The following PSPH variants were observed in gnomAD, a reference collection of about 807,000 sequenced individuals.
PSPH encodes L-3-phosphoserine phosphatase.
A neutral mutation model predicts 23.4 loss-of-function variants in PSPH; 16 were observed. The observed-to-expected ratio is 0.68, with a 90% CI of 0.46 to 1.04. The LOEUF is 1.04. Ranked by LOEUF, PSPH falls within the 50% of genes least tolerant of loss-of-function variation. PSPH has a pLI of 0.00. For missense variants in PSPH, 223 were observed against 273.7 expected (o/e 0.81, Z 1.31); for synonymous variants, 68 against 99.7 (o/e 0.68, Z 1.89).
chr7:56,027,217 A>C (rs1165531470), intron 3 of PSPH, among the ~76,000 whole-genome samples: 13 of 151,890 alleles, frequency 8.6e-5, no homozygotes, highest in African/African-American at 2.4e-4. Context: ...AAAACAAAAA[A>C]AAAAAAAAAA....
In PSPH at chr7:56,021,247, T is replaced by C. The variant is rs1469591186; in HGVS notation, c.-19-16A>G. 1 of 1,604,008 alleles carries C rather than the reference T, an allele frequency of 6.2e-7. No individual in the cohort carries two copies. The highest frequency in any genetic ancestry group is 1.3e-5 in the African/African-American group (1 of 74,658). On this transcript the variant is annotated splice_polypyrimidine_tract_variant and intron_variant, in intron 3 of 7. Transcript: ENST00000275605. The stretch of plus-strand genomic sequence containing the variant: ...AATTTTCCTCCTACAAGAAAAAAGA[T>C]AAATGTATTTAAAGACATCAAATAA...
chr7:56,038,181 G>A (rs1008858967), intron 1 of PSPH, among the ~76,000 whole-genome samples: 1 of 150,228 alleles, frequency 6.7e-6, no homozygotes, highest in African/African-American at 2.4e-5. Context: ...GCTCACACCT[G>A]TAATCCCAGC....
At chr7:56,030,707 T>C (rs1222728400) in intron 3 of PSPH, among the ~76,000 whole-genome samples, 1 of 151,386 alleles carries the variant, frequency 6.6e-6, no homozygotes, top group African/African-American at 2.4e-5. Context: ...AAGACCAGCC[T>C]GGCCAACATG....
At chr7:56,033,247 T>G (rs1220714706) in intron 2 of PSPH, 1 of 151,826 alleles carries the variant, frequency 6.6e-6, no homozygotes, top group Non-Finnish European at 1.5e-5. Context: ...ATCCCAGCAC[T>G]TTGGGAGGCA....
chr7:56,011,589 TAAAAA>T lies in PSPH; in HGVS notation c.*168_*172del. On this transcript the variant is annotated 3_prime_UTR_variant, in exon 8 of 8. Coordinates refer to ENST00000275605, the MANE Select transcript of PSPH (RefSeq NM_004577.4). ...CATCATATAATACTGGAACTACAGT[TAAAAA>T]AAAAAAAAAAGCAATCTTCTAGGAT... The T allele has an allele frequency of 3.4e-5, 16 of 474,850 alleles. 1 individual carries two copies. The South Asian group carries it at 3.4e-4, about 10-fold the overall frequency. The allele number at this position is 474,850 out of a possible 1,614,324, so 29.4% of individuals were successfully genotyped here.
chr7:56,033,442 G>C (rs751216615), intron 2 of PSPH: 1 of 147,198 alleles, frequency 6.8e-6, no homozygotes, highest in South Asian at 2.2e-4. Flanking sequence ...AGGTTGAAGT[G>C]AGCCGAGATC....
chr7:56,036,218 A>C (rs1227488829), intron 1 of PSPH, among the ~76,000 whole-genome samples: 2 of 151,374 alleles, frequency 1.3e-5, no homozygotes, highest in African/African-American at 4.9e-5. Flanking sequence ...CAGAGCGAGA[A>C]TCCATCTCAA....
In PSPH at chr7:56,035,263, C is replaced by T. The variant is rs369808052; in HGVS notation, c.-291-1157G>A. On this transcript the variant is annotated intron_variant, in intron 1 of 7. Transcript: ENST00000275605. ...GGCTGAGGCAGGAGAATTGCTTGAA[C>T]CCGGGTGGGGGGAGGAGGTTGCAGT... Among the ~76,000 whole-genome samples the T allele has an allele frequency of 3.9e-5, 6 of 152,156 alleles. No homozygotes were observed. The East Asian group carries it at 1.2e-3, about 30-fold the overall frequency.
intron 1 of PSPH, among the ~76,000 whole-genome samples, chr7:56,042,353 G>C (rs1792665126): frequency 6.6e-6 from 1 of 151,620 alleles, no homozygotes; most frequent in Admixed American, 6.6e-5. Context: ...CAAAATCCAG[G>C]AAAGAAGCAG....
intron 1 of PSPH, among the ~76,000 whole-genome samples, chr7:56,045,876 G>C (rs1562833627): frequency 8.0e-6 from 1 of 125,086 alleles, no homozygotes. Flanking sequence ...GACAGAGCAA[G>C]ACTTTGTCTC....
At chr7:56,043,409 T>C (rs1256211305) in intron 1 of PSPH, 1 of 152,082 alleles carries the variant, frequency 6.6e-6, no homozygotes, top group African/African-American at 2.4e-5. Context: ...TCCCAGCTAC[T>C]AGGTAGGCTG....
rs575130728 is a variant in PSPH, at chr7:56,012,007, G to A, written c.571-138C>T. The A allele has an allele frequency of 1.0e-5, 7 of 698,770 alleles. No homozygotes were observed. In the East Asian group the frequency reaches 1.8e-4, roughly 18 times the overall value. 43.3% of individuals were successfully genotyped at this position (698,770 alleles called of 1,614,324 possible). A position where few individuals can be genotyped will look rare whatever the true frequency, so the allele number is the denominator to read the frequency against. ...TGCAACCTCTGCCTCCTGGGTTCAA[G>A]TGATTCTCATGCCTCAGCCTCCTGA... On this transcript the variant is annotated intron_variant, in intron 7 of 7. Transcript: ENST00000275605.
At chr7:56,022,916 G>A (rs573384778) in intron 3 of PSPH, among the ~76,000 whole-genome samples, 3 of 152,118 alleles carry the variant, frequency 2.0e-5, no homozygotes, top group African/African-American at 7.2e-5. Flanking sequence ...AAAATTAGCC[G>A]GGCAGGATGG....
At position 56,012,002 on chromosome 7, in the gene PSPH, T is replaced by A. The variant is rs113604043; in HGVS notation, c.571-133A>T. On this transcript the variant is annotated intron_variant, in intron 7 of 7. Coordinates refer to ENST00000275605, the MANE Select transcript of PSPH (RefSeq NM_004577.4). ...CTCACTGCAACCTCTGCCTCCTGGG[T>A]TCAAGTGATTCTCATGCCTCAGCCT... The A allele has an allele frequency of 2.3e-4, 163 of 697,216 alleles. 1 individual carries two copies. The African/African-American group carries it at 2.5e-3, about 11-fold the overall frequency. 43.2% of individuals were successfully genotyped at this position (697,216 alleles called of 1,614,324 possible).
In PSPH at chr7:56,011,702, C is replaced by T. The variant is rs1318991771; in HGVS notation, c.*60G>A. On this transcript the variant is annotated 3_prime_UTR_variant, in exon 8 of 8. Transcript: ENST00000275605. ...ATAGGCAACTGTAAGCAAACAGTAT[C>T]AATCTGTATAACTTGTAAAAATTCA... The T allele has an allele frequency of 2.2e-6, 3 of 1,349,864 alleles. No individual in the cohort carries two copies. Among genetic ancestry groups the T allele is most frequent in the Non-Finnish European group, 3.2e-6 (3 of 941,214 alleles). The allele number at this position is 1,349,864 out of a possible 1,614,324, so 83.6% of individuals were successfully genotyped here. A position where few individuals can be genotyped will look rare whatever the true frequency, so the allele number is the denominator to read the frequency against.
intron 1 of PSPH, among the ~76,000 whole-genome samples, chr7:56,036,214 G>A (rs1322738613): frequency 4.6e-5 from 7 of 151,054 alleles, no homozygotes; most frequent in Admixed American, 2.6e-4. Context: ...GCAACAGAGC[G>A]AGAATCCATC....
At chr7:56,045,514 T>C (rs1793107633) in intron 1 of PSPH, among the ~76,000 whole-genome samples, 1 of 151,782 alleles carries the variant, frequency 6.6e-6, no homozygotes, top group Admixed American at 6.6e-5. Context: ...TTGCAAATGG[T>C]TAGGTCTGAG....
In PSPH at chr7:56,024,399, G is replaced by GA. The variant is rs572469324; in HGVS notation, c.-19-3169dup. On this transcript the variant is annotated intron_variant, in intron 3 of 7. Coordinates refer to ENST00000275605, the MANE Select transcript of PSPH (RefSeq NM_004577.4). ...GCTGATTTTTACATTTTAAACAGTT[G>GA]AAAAAAAAATCAAAAGAAGAATAAT... Among the ~76,000 whole-genome samples, 169 of 149,886 alleles carry GA rather than the reference G, an allele frequency of 1.1e-3. 1 individual carries two copies. Among genetic ancestry groups the GA allele is most frequent in the Non-Finnish European group, 1.7e-3 (114 of 67,448 alleles).
intron 3 of PSPH, among the ~76,000 whole-genome samples, chr7:56,028,418 G>T (rs570427509): frequency 6.6e-6 from 1 of 152,138 alleles, no homozygotes; most frequent in Non-Finnish European, 1.5e-5. Context: ...TTTTTGTAGA[G>T]ATGAGGTCTC....
Sources: gnomAD v4.1 joint callset for allele counts (sites outside exome capture counted in the v4.1 genomes callset) on GRCh38, gnomAD v4.1.1 for gene constraint, MANE v1.5 for transcripts, NCBI Gene and HGNC (gene_info 2026-07-23, HGNC 2026-07-21) for gene names.